The following NR3C2 variants were observed in gnomAD, a reference collection of about 807,000 sequenced individuals.
NR3C2 encodes the protein nuclear receptor subfamily 3 group C member 2.
NR3C2 carries 15 observed loss-of-function variants against 86.4 expected under a neutral mutation model. That is an observed-to-expected ratio of 0.17 (90% CI 0.12 to 0.27). The LOEUF (loss-of-function observed/expected upper bound fraction) is 0.27. NR3C2 is among the 10% of genes least tolerant of loss of function. The pLI is 1.00. For synonymous variants in NR3C2, 458 were observed against 450.5 expected, an observed-to-expected ratio of 1.02 and a Z score of -0.21; for missense variants, 960 against 1,195.6, an observed-to-expected ratio of 0.80 and a Z score of 2.91.
At chr4:148,265,208 C>T (rs1227906533) in intron 2 of NR3C2, among the ~76,000 whole-genome samples, 1 of 152,122 alleles carries the variant, frequency 6.6e-6, no homozygotes, top group African/African-American at 2.4e-5. Flanking sequence ...CAACTATTTT[C>T]AGTACTAAAT....
chr4:148,091,505 C>T lies in NR3C2; in HGVS notation c.2800-10006G>A, dbSNP rs148774264. 1.2e-3 allele frequency among the ~76,000 whole-genome samples: 184 copies of T among 152,324 alleles called. No homozygotes were observed. In the East Asian group the frequency reaches 0.013, roughly 11 times the overall value. ...TGGTTAGATCTCAAGGAGGTGGGCA[C>T]AAGACCAGGAGAGCTGGGTGAGATT... On this transcript the variant is annotated intron_variant, in intron 8 of 8. Transcript: ENST00000358102.
chr4:148,320,072 A>C (rs1038032180), intron 2 of NR3C2, among the ~76,000 whole-genome samples: 3 of 127,260 alleles, frequency 2.4e-5, no homozygotes, highest in Middle Eastern at 3.7e-3. Flanking sequence ...ATTTATTGAG[A>C]GTTTTTAGCA....
chr4:148,384,779 A>C (rs1747180923), intron 2 of NR3C2, among the ~76,000 whole-genome samples: 1 of 152,306 alleles, frequency 6.6e-6, no homozygotes, highest in South Asian at 2.1e-4. Flanking sequence ...TGTTTACCAT[A>C]TTTCTCTTCA....
upstream of NR3C2, chr4:148,442,883 A>C (rs1750423416): frequency 1.8e-5 from 18 of 985,346 alleles, no homozygotes; most frequent in Middle Eastern, 5.2e-4. Context: ...GAGATGTGAA[A>C]AGTGTGCTGA....
intron 2 of NR3C2, among the ~76,000 whole-genome samples, chr4:148,318,597 G>A (rs1461573092): frequency 1.3e-5 from 2 of 152,028 alleles, no homozygotes; most frequent in African/African-American, 4.8e-5. Flanking sequence ...ATCTCATTGT[G>A]GTTTTGATTT....
chr4:148,188,093 T>C (rs535740837), intron 4 of NR3C2, among the ~76,000 whole-genome samples: 2 of 152,332 alleles, frequency 1.3e-5, no homozygotes, highest in South Asian at 4.1e-4. Flanking sequence ...TTTATACCGG[T>C]ACTACACTGT....
At chr4:148,282,909 A>G (rs1015612911) in intron 2 of NR3C2, among the ~76,000 whole-genome samples, 6 of 152,204 alleles carry the variant, frequency 3.9e-5, no homozygotes, top group Admixed American at 3.9e-4. Flanking sequence ...GGCAAAGGCT[A>G]TGGCGGGAAG....
At chr4:148,359,953 T>C (rs1296522744) in intron 2 of NR3C2, among the ~76,000 whole-genome samples, 2 of 152,084 alleles carry the variant, frequency 1.3e-5, no homozygotes, top group Admixed American at 1.3e-4. Flanking sequence ...AAATAAGGAA[T>C]TGGTGCATAG....
At chr4:148,177,776 T>A (rs1364384618) in intron 4 of NR3C2, among the ~76,000 whole-genome samples, 3 of 152,126 alleles carry the variant, frequency 2.0e-5, no homozygotes, top group African/African-American at 7.2e-5. Flanking sequence ...AAGTGGTCTG[T>A]CCTCCCTTTC....
At chr4:148,314,875 T>C (rs1049468802) in intron 2 of NR3C2, among the ~76,000 whole-genome samples, 3 of 152,212 alleles carry the variant, frequency 2.0e-5, no homozygotes, top group African/African-American at 7.2e-5. Context: ...CACAATGAAC[T>C]TTAACATGAT....
At chr4:148,370,399 T>C (rs1746356702) in intron 2 of NR3C2, among the ~76,000 whole-genome samples, 1 of 152,210 alleles carries the variant, frequency 6.6e-6, no homozygotes, top group African/African-American at 2.4e-5. Context: ...AGCAAGGAGA[T>C]GGTTGCTATT....
At chr4:148,372,193 T>C (rs1319634540) in intron 2 of NR3C2, among the ~76,000 whole-genome samples, 2 of 152,188 alleles carry the variant, frequency 1.3e-5, no homozygotes, top group African/African-American at 4.8e-5. Context: ...ACATTAAATA[T>C]CATCCTCTTT....
chr4:148,300,798 C>T (rs1424656310), intron 2 of NR3C2, among the ~76,000 whole-genome samples: 1 of 152,156 alleles, frequency 6.6e-6, no homozygotes, highest in African/African-American at 2.4e-5. Context: ...GCTCGAACTC[C>T]TGACCTCAGG....
At chr4:148,214,837 T>A (rs1489513846) in intron 3 of NR3C2, among the ~76,000 whole-genome samples, 1 of 152,188 alleles carries the variant, frequency 6.6e-6, no homozygotes, top group African/African-American at 2.4e-5. Context: ...TCCCCATTTT[T>A]AAATATTGGC....
intron 2 of NR3C2, among the ~76,000 whole-genome samples, chr4:148,323,484 G>A (rs1213015555): frequency 6.8e-6 from 1 of 146,836 alleles, no homozygotes; most frequent in East Asian, 2.0e-4. Flanking sequence ...CAGCCTGGCT[G>A]CAGCCTTGCA....
At chr4:148,252,433 G>C (rs890858847) in intron 3 of NR3C2, among the ~76,000 whole-genome samples, 3 of 152,146 alleles carry the variant, frequency 2.0e-5, no homozygotes, top group Admixed American at 6.5e-5. Context: ...TAAGTACTCA[G>C]TAGCTATTCT....
chr4:148,203,309 G>A (rs1736825425), intron 3 of NR3C2, among the ~76,000 whole-genome samples: 1 of 151,108 alleles, frequency 6.6e-6, no homozygotes, highest in African/African-American at 2.4e-5. Context: ...TACAATGTAA[G>A]TTTCCCTATT....
chr4:148,138,299 A>G (rs532991599), intron 6 of NR3C2, among the ~76,000 whole-genome samples: 2 of 152,358 alleles, frequency 1.3e-5, no homozygotes, highest in South Asian at 4.1e-4. Context: ...CGGAGAAATA[A>G]TTTAAAATAT....
intron 2 of NR3C2, among the ~76,000 whole-genome samples, chr4:148,270,940 T>C (rs890242584): frequency 6.6e-6 from 1 of 152,214 alleles, no homozygotes; most frequent in African/African-American, 2.4e-5. Context: ...TTATGGTTCA[T>C]TTTAACACAT....
Sources: allele counts gnomAD v4.1 joint callset (sites outside exome capture counted in the v4.1 genomes callset), GRCh38; gene constraint gnomAD v4.1.1; transcripts MANE v1.5; gene names NCBI Gene and HGNC (gene_info 2026-07-23, HGNC 2026-07-21).